DMRT3: variants seen among roughly 807,000 people sequenced by gnomAD.
DMRT3 encodes doublesex and mab-3 related transcription factor 3, also known as doublesex- and mab-3-related transcription factor 3.
In DMRT3, 29 loss-of-function variants were observed where a neutral mutation model predicts 34.9. The ratio of observed to expected loss-of-function variants is 0.83; its 90% confidence interval spans 0.62 to 1.13. The LOEUF (loss-of-function observed/expected upper bound fraction) is 1.13. Ranked by LOEUF, DMRT3 falls within the 50% of genes most tolerant of loss-of-function variation. The pLI, the probability that DMRT3 is intolerant of heterozygous loss-of-function variation, is 0.00. For synonymous variants in DMRT3, 350 were observed against 286.0 expected (o/e 1.22, Z -2.26); for missense variants, 772 against 629.1 (o/e 1.23, Z -2.43).
chr9:990,585 C>T lies in DMRT3; in HGVS notation c.999C>T (p.Ala333=), dbSNP rs1447801045. ...CTTCCAAATGGTCTGTGGGATCAGC[C>T]TTTCGAGTCCCAGACACGTTGAGGT... ...ISSSKWSVGS[A]FRVPDTLRFS... is the part of the protein sequence containing the mutation. Residue 333 remains alanine (A), a synonymous_variant, in exon 2 of 2, where the codon GCC becomes GCT. Transcript: ENST00000190165. 3 of 1,614,122 alleles carry T rather than the reference C, an allele frequency of 1.9e-6. No homozygotes were observed. The highest frequency in any genetic ancestry group is 8.5e-7 in the Non-Finnish European group (1 of 1,180,026).
intron 1 of DMRT3, among the ~76,000 whole-genome samples, chr9:987,286 G>C (rs1820298022): frequency 2.6e-5 from 4 of 152,134 alleles, no homozygotes; most frequent in Admixed American, 2.0e-4. Flanking sequence ...TCGAATATAA[G>C]TAGAGTCATA....
At chr9:984,021 A>G (rs1311759529) in intron 1 of DMRT3, among the ~76,000 whole-genome samples, 7 of 152,064 alleles carry the variant, frequency 4.6e-5, no homozygotes, top group Non-Finnish European at 1.0e-4. Flanking sequence ...TAGATTTTCA[A>G]CTATTCATTT....
rs1820345347 is a variant in DMRT3, at chr9:990,536, C to A, written c.950C>A (p.Thr317Asn). ...LPSNGHIFEH[T>N]LSSYPISSSK... is the part of the protein sequence containing the mutation. ...TCCAATGGGCACATCTTTGAACACA[C>A]CTTGAGCTCCTACCCCATCTCGTCT... The change falls in exon 2 of 2, where the codon ACC becomes AAC. Residue 317 changes from threonine (T) to asparagine (N), a missense_variant. Transcript: ENST00000190165. The A allele has an allele frequency of 6.2e-7, 1 of 1,613,962 alleles. No homozygotes were observed. The highest frequency in any genetic ancestry group is 1.3e-5 in the African/African-American group (1 of 74,896).
At chr9:982,393 T>G (rs1820232959) in intron 1 of DMRT3, among the ~76,000 whole-genome samples, 1 of 152,210 alleles carries the variant, frequency 6.6e-6, no homozygotes, top group Non-Finnish European at 1.5e-5. Flanking sequence ...AAATCACTCC[T>G]TGGTGTTATA....
chr9:989,879 C>T, intron 1 of DMRT3, 162 bp from the exon 2 acceptor site: 3 of 815,168 alleles, frequency 3.7e-6, no homozygotes, highest in South Asian at 2.3e-5. Context: ...TTTCATTTGC[C>T]AGTGATATAG....
chr9:977,364 G>A lies in DMRT3; in HGVS notation c.363G>A (p.Pro121=). 2 of 1,232,622 alleles carry A rather than the reference G, an allele frequency of 1.6e-6. No homozygotes were observed. Among genetic ancestry groups the A allele is most frequent in the Non-Finnish European group, 2.0e-6 (2 of 990,800 alleles). 76.4% of individuals were successfully genotyped at this position (1,232,622 alleles called of 1,614,324 possible). A position where few individuals can be genotyped will look rare whatever the true frequency, so the allele number is the denominator to read the frequency against. The change falls in exon 1 of 2, where the codon CCG becomes CCA. Residue 121 remains proline (P), a synonymous_variant. Transcript: ENST00000190165. ...CTCAGCCGTCGCAGCCGCAGCCGCC[G>A]CGCCCTGCTGCCGAGTTGGCCGCGG... The part of the protein sequence containing the change: ...PASQPSQPQP[P]RPAAELAAAA...
chr9:983,467 A>C (rs1820246748), intron 1 of DMRT3, among the ~76,000 whole-genome samples: 1 of 151,992 alleles, frequency 6.6e-6, no homozygotes, highest in Non-Finnish European at 1.5e-5. Context: ...AATATAACCA[A>C]CTGCAGCTTA....
rs1391420298 is a variant in DMRT3 at position 990,827 on chromosome 9, ACT to A, written c.1244_1245del (p.Ser415TyrfsTer24). ...CAGTATGTCAGTCCTTTCCCCAGTA[ACT>A]CTACCAGCGTCTTCAGAAGCTCGCC... On this transcript the variant is annotated frameshift_variant, in exon 2 of 2. Coordinates refer to ENST00000190165, the MANE Select transcript of DMRT3 (RefSeq NM_021240.4). LOFTEE classifies it high-confidence loss of function. 1.2e-6 allele frequency: 2 copies of A among 1,613,506 alleles called. No individual in the cohort carries two copies. Among genetic ancestry groups the A allele is most frequent in the East Asian group, 2.2e-5 (1 of 44,858 alleles).
rs764560332 is a variant in DMRT3, at chr9:990,451, C to G, written c.865C>G (p.Arg289Gly). The G allele has an allele frequency of 3.7e-6, 6 of 1,614,160 alleles. No individual in the cohort carries two copies. In the South Asian group the frequency reaches 5.5e-5, roughly 15 times the overall value. Reference protein sequence around the residue: ...VSAVEVLLSSRSSVTGAERTS... With the variant: ...VSAVEVLLSSGSSVTGAERTS... ...CGCCGTGGAAGTCCTTCTGTCCAGC[C>G]GATCCTCAGTCACGGGAGCAGAGCG... Residue 289 changes from arginine (R) to glycine (G), a missense_variant, in exon 2 of 2, where the codon CGA becomes GGA. Physicochemically the swap from Arg to Gly is moderately radical, Grantham distance 125 (BLOSUM62 -2). Transcript: ENST00000190165.
At chr9:986,783 C>T (rs148392966) in intron 1 of DMRT3, among the ~76,000 whole-genome samples, 1,671 of 151,062 alleles carry the variant, frequency 0.011, 24 homozygotes, top group African/African-American at 0.038. Context: ...CCCAGCTATT[C>T]GGGAGGCTGA....
chr9:989,967 A>G (rs1434871184), intron 1 of DMRT3, 74 bp from the exon 2 acceptor site: 1 of 1,554,414 alleles, frequency 6.4e-7, no homozygotes, highest in East Asian at 2.2e-5. Context: ...GCACGTGTAC[A>G]GGTCTCTTCT....
intron 1 of DMRT3, among the ~76,000 whole-genome samples, chr9:989,464 C>CA (rs139781759): frequency 0.012 from 1,871 of 152,298 alleles, 47 homozygotes; most frequent in African/African-American, 0.043. Flanking sequence ...TTCACTTCAG[C>CA]AATTGAATTA....
chr9:981,455 T>G (rs1820219434), intron 1 of DMRT3, among the ~76,000 whole-genome samples: 1 of 152,194 alleles, frequency 6.6e-6, no homozygotes, highest in South Asian at 2.1e-4. Flanking sequence ...TTAAGACAGC[T>G]TGATTTGAGG....
intron 1 of DMRT3, among the ~76,000 whole-genome samples, chr9:980,447 T>G (rs658630): frequency 6.6e-6 from 1 of 152,152 alleles, no homozygotes; most frequent in African/African-American, 2.4e-5. Flanking sequence ...TCTCTTTGAT[T>G]ACCATCTACG....
In DMRT3 at chr9:976,840, G is replaced by A; in HGVS notation, c.-162G>A. Reference sequence around the variant, plus strand: ...CGAAGGGAGCTGGAGAGACGACTGCGGCACCTCCGGCCGCCCCGGAGCACA... The same window carrying A: ...CGAAGGGAGCTGGAGAGACGACTGCAGCACCTCCGGCCGCCCCGGAGCACA... On this transcript the variant is annotated 5_prime_UTR_variant, in exon 1 of 2. Transcript: ENST00000190165. This position sits in a 1 kb window ranked among gnomAD's most constrained non-coding sequence, Gnocchi z 4.5. The A allele has an allele frequency of 3.2e-6, 2 of 619,788 alleles. No individual in the cohort carries two copies. The highest frequency in any genetic ancestry group is 1.9e-5 in the African/African-American group (1 of 51,796). The allele number at this position is 619,788 out of a possible 1,614,324, so 38.4% of individuals were successfully genotyped here.
chr9:977,289 G>A lies in DMRT3; in HGVS notation c.288G>A (p.Gly96=), dbSNP rs1820162858. 8 of 1,418,230 alleles carry A rather than the reference G, an allele frequency of 5.6e-6. No homozygotes were observed. Among genetic ancestry groups the A allele is most frequent in the Non-Finnish European group, 6.5e-6 (7 of 1,081,248 alleles). 87.9% of individuals were successfully genotyped at this position (1,418,230 alleles called of 1,614,324 possible). A position where few individuals can be genotyped will look rare whatever the true frequency, so the allele number is the denominator to read the frequency against. ...CCGACTCGCTGCGCGCTCTGCCAGG[G>A]CCCCCGCCGCCGGGGGACGCCGTCG... The part of the protein sequence containing the change: ...LIPDSLRALP[G]PPPPGDAVAA... Residue 96 remains glycine (G), a synonymous_variant, in exon 1 of 2, where the codon GGG becomes GGA. Coordinates refer to ENST00000190165, the MANE Select transcript of DMRT3 (RefSeq NM_021240.4).
intron 1 of DMRT3, among the ~76,000 whole-genome samples, chr9:982,497 C>T (rs1008942741): frequency 1.8e-4 from 28 of 152,174 alleles, no homozygotes; most frequent in Non-Finnish European, 7.3e-5. Context: ...ACAGTAATCA[C>T]AGGAGGACAG....
In DMRT3 at chr9:990,869, G is replaced by C; in HGVS notation, c.1283G>C (p.Arg428Pro). ...VFRSSPVLPA[R>P]ATEDPRISIP... ...AGAAGCTCGCCCGTCCTTCCTGCCCGCGCCACGGAAGACCCTCGGATTTCC... is the reference window on the plus strand; with the variant it reads ...AGAAGCTCGCCCGTCCTTCCTGCCCCCGCCACGGAAGACCCTCGGATTTCC... The change falls in exon 2 of 2, where the codon CGC becomes CCC. Residue 428 changes from arginine to proline, a missense_variant. Transcript: ENST00000190165. The C allele has an allele frequency of 6.2e-7, 1 of 1,614,028 alleles. No individual in the cohort carries two copies. Among genetic ancestry groups the C allele is most frequent in the Non-Finnish European group, 8.5e-7 (1 of 1,180,008 alleles).
intron 1 of DMRT3, among the ~76,000 whole-genome samples, chr9:983,860 TATTA>T (rs1429248796): frequency 8.5e-5 from 13 of 152,154 alleles, no homozygotes; most frequent in Admixed American, 6.5e-4. Context: ...CTTCATACGT[TATTA>T]ATTCAGTGTT....
Sources: allele counts gnomAD v4.1 joint callset (sites outside exome capture counted in the v4.1 genomes callset), GRCh38; gene constraint gnomAD v4.1.1; non-coding constraint Gnocchi (gnomAD v3.1); transcripts MANE v1.5; gene names NCBI Gene and HGNC (gene_info 2026-07-23, HGNC 2026-07-21).